BBS2: variants seen among roughly 807,000 people sequenced by gnomAD.
The protein encoded by BBS2 is Bardet-Biedl syndrome 2, also known as BBSome complex member BBS2.
In BBS2, 62 loss-of-function variants were observed where a neutral mutation model predicts 83.0. The observed-to-expected ratio is 0.75, with a 90% confidence interval of 0.61 to 0.92. The LOEUF (loss-of-function observed/expected upper bound fraction) is 0.92, where lower values mean the gene tolerates loss of function less well. Ranked by LOEUF, BBS2 falls within the 40% of genes least tolerant of loss-of-function variation. The pLI, the probability that BBS2 is intolerant of heterozygous loss-of-function variation, is 0.00. For synonymous variants in BBS2, 303 were observed against 326.1 expected (o/e 0.93, Z 0.76); for missense variants, 784 against 901.0 (o/e 0.87, Z 1.66).
chr16:56,506,052 A>C lies in BBS2; in HGVS notation c.718-16T>G. 1 of 1,612,936 alleles carries C rather than the reference A, an allele frequency of 6.2e-7. No individual in the cohort carries two copies. The highest frequency in any genetic ancestry group is 8.5e-7 in the Non-Finnish European group (1 of 1,178,962). On this transcript the variant is annotated splice_polypyrimidine_tract_variant and intron_variant, in intron 6 of 16. Coordinates refer to ENST00000245157, the MANE Select transcript of BBS2 (RefSeq NM_031885.5). ...GATTTTTCGACTGAAAAAGAATTTT[A>C]ATAATTAGCACAGAAGTCTCACAAT...
At chr16:56,490,863 A>T (rs1172079252) in intron 15 of BBS2, among the ~76,000 whole-genome samples, 4 of 150,996 alleles carry the variant, frequency 2.6e-5, no homozygotes, top group Non-Finnish European at 5.9e-5. Flanking sequence ...CCGGGTTCAC[A>T]CCATTCTCCC....
intron 1 of BBS2, among the ~76,000 whole-genome samples, chr16:56,518,857 T>C (rs1261059641): frequency 6.6e-6 from 1 of 152,236 alleles, no homozygotes; most frequent in Non-Finnish European, 1.5e-5. Flanking sequence ...TGGTGAATGT[T>C]ACATGATTTC....
intron 3 of BBS2, 65 bp from the exon 4 acceptor site, chr16:56,510,986 T>C: frequency 6.3e-7 from 1 of 1,586,976 alleles, no homozygotes; most frequent in Non-Finnish European, 8.7e-7. Flanking sequence ...ATATATTAGC[T>C]ACATGAAGGA....
chr16:56,514,801 T>G, intron 1 of BBS2, 121 bp from the exon 2 acceptor site: 3 of 735,072 alleles, frequency 4.1e-6, no homozygotes, highest in Non-Finnish European at 4.6e-6. Flanking sequence ...TTTAATCTCC[T>G]ATGAAACTTA....
intron 15 of BBS2, among the ~76,000 whole-genome samples, chr16:56,488,108 G>A (rs767182754): frequency 6.6e-6 from 1 of 152,060 alleles, no homozygotes; most frequent in Non-Finnish European, 1.5e-5. Context: ...CACCATGAGT[G>A]GGGAAAAAAA....
At chr16:56,494,036 G>A (rs1964039210) in intron 15 of BBS2, among the ~76,000 whole-genome samples, 3 of 151,852 alleles carry the variant, frequency 2.0e-5, no homozygotes, top group Admixed American at 2.0e-4. Context: ...ATAGCTCACT[G>A]CAGCCTCAAA....
chr16:56,518,579 G>C (rs1366031705), intron 1 of BBS2, among the ~76,000 whole-genome samples: 1 of 152,220 alleles, frequency 6.6e-6, no homozygotes, highest in Non-Finnish European at 1.5e-5. Context: ...GTAGGTACTG[G>C]AGCCAAGAAA....
At chr16:56,491,187 C>T (rs1384787085) in intron 15 of BBS2, among the ~76,000 whole-genome samples, 1 of 152,176 alleles carries the variant, frequency 6.6e-6, no homozygotes, top group African/African-American at 2.4e-5. Flanking sequence ...GGATGTGGTT[C>T]GTCCCCGCCA....
chr16:56,471,404 G>A (rs1305912587), intron 17 of BBS2, among the ~76,000 whole-genome samples: 1 of 151,836 alleles, frequency 6.6e-6, no homozygotes, highest in Non-Finnish European at 1.5e-5. Context: ...AGCCTCTTAG[G>A]CGAATAGATG....
At position 56,500,963 on chromosome 16, in the gene BBS2, CCA is replaced by C; in HGVS notation, c.1286_1287del (p.Val429GlyfsTer44). On this transcript the variant is annotated frameshift_variant, in exon 11 of 17. Coordinates refer to ENST00000245157, the MANE Select transcript of BBS2 (RefSeq NM_031885.5). LOFTEE classifies it high-confidence loss of function. Reference sequence around the variant, plus strand: ...GAGAGGTTGTGAATGCTGGGATGTACCACGTGGCTTTCACCTGTAAAAATTCC... The same window carrying C: ...GAGAGGTTGTGAATGCTGGGATGTACCGTGGCTTTCACCTGTAAAAATTCC... ...AEGIFTGESH[V>X]VHPSIHNLSS... 6.2e-7 allele frequency: 1 copy of C among 1,614,102 alleles called. No individual in the cohort carries two copies. The highest frequency in any genetic ancestry group is 8.5e-7 in the Non-Finnish European group (1 of 1,180,014).
At position 56,473,786 on chromosome 16, in the gene BBS2, A is replaced by G. The variant is rs1050166353; in HGVS notation, c.*1-3091T>C. The stretch of plus-strand genomic sequence containing the variant: ...TTGTCATTTTATTAGTTAATTTTAA[A>G]AAGTTACATATAGGAGTATTAACCT... On this transcript the variant is annotated intron_variant, in intron 17 of 17. Transcript: ENST00000682047. 2.0e-5 allele frequency among the ~76,000 whole-genome samples: 3 copies of G among 151,962 alleles called. No individual in the cohort carries two copies. The East Asian group carries it at 5.8e-4, about 29-fold the overall frequency.
rs1220458017 is a variant in BBS2 at position 56,500,851 on chromosome 16, C to G, written c.1397+3G>C. 1 of 1,613,832 alleles carries G rather than the reference C, an allele frequency of 6.2e-7. No homozygotes were observed. The highest frequency in any genetic ancestry group is 8.5e-7 in the Non-Finnish European group (1 of 1,179,946). On this transcript the variant is annotated splice_donor_region_variant and intron_variant, in intron 11 of 16. Coordinates refer to ENST00000245157, the MANE Select transcript of BBS2 (RefSeq NM_031885.5). ...AAATGAACTGTGACTTGCAAAGGGT[C>G]ACCTGCTTCTGTAACCCACGAATGC...
chr16:56,473,674 G>A (rs1196889683), intron 17 of BBS2, among the ~76,000 whole-genome samples: 1 of 151,274 alleles, frequency 6.6e-6, no homozygotes, highest in Non-Finnish European at 1.5e-5. Flanking sequence ...ATGGTGCGTG[G>A]TTGTATATTT....
At chr16:56,509,645 C>A in intron 5 of BBS2, 1 of 339,528 alleles carries the variant, frequency 2.9e-6, no homozygotes, top group Non-Finnish European at 5.6e-6. Flanking sequence ...ACCTGGCATA[C>A]AATAGGTACA....
chr16:56,515,962 C>T (rs1964734503), intron 1 of BBS2: 1 of 152,268 alleles, frequency 6.6e-6, no homozygotes, highest in Non-Finnish European at 1.5e-5. Flanking sequence ...CCTTTTATAA[C>T]AGTTCTGAAC....
chr16:56,517,873 G>A (rs1964796110), intron 1 of BBS2, among the ~76,000 whole-genome samples: 1 of 150,772 alleles, frequency 6.6e-6, no homozygotes, highest in African/African-American at 2.4e-5. Context: ...AGGCTGGAGT[G>A]CAATGGCACG....
At chr16:56,519,089 G>C (rs932261733) in intron 1 of BBS2, among the ~76,000 whole-genome samples, 6 of 152,172 alleles carry the variant, frequency 3.9e-5, no homozygotes, top group African/African-American at 1.2e-4. Context: ...CTAGTACTTT[G>C]GGAGGCCGAG....
chr16:56,470,813 T>G, intron 17 of BBS2: 1 of 1,542,682 alleles, frequency 6.5e-7, no homozygotes. Flanking sequence ...TTAGGATTTG[T>G]CCTTACTTAC....
intron 1 of BBS2, among the ~76,000 whole-genome samples, chr16:56,515,575 T>C (rs1416525626): frequency 1.3e-5 from 2 of 152,338 alleles, no homozygotes; most frequent in Non-Finnish European, 2.9e-5. Flanking sequence ...GGGATCCCTC[T>C]AGCCCCTTCT....
Sources: gnomAD v4.1 joint callset for allele counts (sites outside exome capture counted in the v4.1 genomes callset) on GRCh38, gnomAD v4.1.1 for gene constraint, MANE v1.5 for transcripts, NCBI Gene and HGNC (gene_info 2026-07-23, HGNC 2026-07-21) for gene names.